Variants in BMPR1A observed in about 807,000 individuals in gnomAD.
BMPR1A encodes the protein bone morphogenetic protein receptor type 1A.
Under a neutral mutation model 66.0 loss-of-function variants are expected in BMPR1A, and 7 were observed. The ratio of observed to expected loss-of-function variants is 0.11; its 90% CI spans 0.06 to 0.20. The LOEUF (loss-of-function observed/expected upper bound fraction) is 0.20. Ranked by LOEUF, BMPR1A falls within the 10% of genes least tolerant of loss-of-function variation. The pLI is 1.00. For synonymous variants in BMPR1A, 200 were observed against 229.7 expected (o/e 0.87, Z 1.17); for missense variants, 408 against 669.1 (o/e 0.61, Z 4.31).
chr10:86,816,116 A>C (rs1161576531), intron 1 of BMPR1A, among the ~76,000 whole-genome samples: 1 of 152,212 alleles, frequency 6.6e-6, no homozygotes, highest in Admixed American at 6.5e-5. Context: ...CCACAGCATC[A>C]CTTAGACCTG....
At chr10:86,771,133 G>T (rs1194252457) in intron 1 of BMPR1A, among the ~76,000 whole-genome samples, 1 of 152,018 alleles carries the variant, frequency 6.6e-6, no homozygotes, top group Non-Finnish European at 1.5e-5. Flanking sequence ...TATATTATAT[G>T]ATAACCCTTT....
intron 7 of BMPR1A, among the ~76,000 whole-genome samples, chr10:86,905,396 C>T (rs925840460): frequency 1.1e-4 from 16 of 152,198 alleles, no homozygotes; most frequent in African/African-American, 3.9e-4. Flanking sequence ...CATTTTTTTA[C>T]ATTGGCAAGT....
intron 2 of BMPR1A, among the ~76,000 whole-genome samples, chr10:86,858,914 G>GA (rs993935510): frequency 2.0e-5 from 3 of 151,762 alleles, no homozygotes; most frequent in Admixed American, 1.3e-4. Context: ...CATAGAAATA[G>GA]AAAAAAAATC....
At chr10:86,851,449 T>C (rs1001670324) in intron 2 of BMPR1A, among the ~76,000 whole-genome samples, 1 of 152,230 alleles carries the variant, frequency 6.6e-6, no homozygotes, top group African/African-American at 2.4e-5. Context: ...AGAGGAGGAA[T>C]CATGTCTCTT....
At chr10:86,761,789 C>T (rs986453074) in intron 1 of BMPR1A, among the ~76,000 whole-genome samples, 14 of 152,092 alleles carry the variant, frequency 9.2e-5, no homozygotes, top group African/African-American at 3.4e-4. Flanking sequence ...AAGAACAACT[C>T]CTGGATTTCT....
intron 8 of BMPR1A, among the ~76,000 whole-genome samples, chr10:86,913,859 C>T (rs12357864): frequency 1.3e-5 from 2 of 151,970 alleles, no homozygotes; most frequent in Admixed American, 6.6e-5. Flanking sequence ...TAATTTCATT[C>T]GAATCCAAAT....
At chr10:86,909,421 AACTCT>A in intron 7 of BMPR1A, among the ~76,000 whole-genome samples, 1 of 151,952 alleles carries the variant, frequency 6.6e-6, no homozygotes, top group Admixed American at 6.5e-5. Context: ...GCGGAACCTT[AACTCT>A]ACTAAAAATA....
chr10:86,916,042 A>G (rs1843563127), intron 8 of BMPR1A, among the ~76,000 whole-genome samples: 1 of 152,320 alleles, frequency 6.6e-6, no homozygotes, highest in African/African-American at 2.4e-5. Context: ...GCAGCAACTG[A>G]GAGGTTTTGT....
At chr10:86,854,219 G>A (rs181400159) in intron 2 of BMPR1A, among the ~76,000 whole-genome samples, 44 of 152,298 alleles carry the variant, frequency 2.9e-4, no homozygotes, top group African/African-American at 8.9e-4. Context: ...AGAGTTTAAG[G>A]TTCTCTCTCT....
chr10:86,855,885 A>G, intron 2 of BMPR1A: 2 of 692,958 alleles, frequency 2.9e-6, no homozygotes, highest in South Asian at 1.8e-5. Context: ...TTGCTAGAAG[A>G]TTCATATTGC....
At chr10:86,828,617 T>C (rs1296628417) in intron 1 of BMPR1A, among the ~76,000 whole-genome samples, 1 of 152,216 alleles carries the variant, frequency 6.6e-6, no homozygotes, top group Non-Finnish European at 1.5e-5. Flanking sequence ...TTAGCAGATC[T>C]GGTGAACCCT....
intron 1 of BMPR1A, among the ~76,000 whole-genome samples, chr10:86,773,447 G>A (rs1208296436): frequency 6.6e-6 from 1 of 151,876 alleles, no homozygotes; most frequent in Non-Finnish European, 1.5e-5. Context: ...ACAAAAATTA[G>A]CTGGGCATGG....
At chr10:86,780,318 C>T (rs1296681801) in intron 1 of BMPR1A, among the ~76,000 whole-genome samples, 1 of 152,082 alleles carries the variant, frequency 6.6e-6, no homozygotes, top group Non-Finnish European at 1.5e-5. Context: ...AATATAATCC[C>T]ATTTGTTTAT....
At chr10:86,893,612 C>T (rs1367191118) in intron 5 of BMPR1A, among the ~76,000 whole-genome samples, 3 of 152,100 alleles carry the variant, frequency 2.0e-5, no homozygotes, top group African/African-American at 7.2e-5. Context: ...CATGGTGAAA[C>T]TCCGTCTCTA....
chr10:86,897,350 G>A (rs1406226660), intron 5 of BMPR1A, among the ~76,000 whole-genome samples: 2 of 152,058 alleles, frequency 1.3e-5, no homozygotes, highest in Non-Finnish European at 2.9e-5. Context: ...TCATAATCTC[G>A]ACAAACCCAA....
chr10:86,824,193 A>T (rs1025121234), intron 1 of BMPR1A, among the ~76,000 whole-genome samples: 2 of 151,910 alleles, frequency 1.3e-5, no homozygotes, highest in Non-Finnish European at 2.9e-5. Context: ...TTAGTCCCAA[A>T]GGTACATGCT....
chr10:86,793,786 G>T lies in BMPR1A; in HGVS notation c.-268+36867G>T, dbSNP rs182700458. On this transcript the variant is annotated intron_variant, in intron 1 of 12. Transcript: ENST00000372037. ...AAATTTATTATCTTATGGTTCTGCA[G>T]GTCAGAAGTCCAACACAGGTCTCAC... 7.5e-4 allele frequency among the ~76,000 whole-genome samples: 114 copies of T among 152,268 alleles called. 1 individual carries two copies. The South Asian group carries it at 1.0e-2, about 13-fold the overall frequency.
intron 3 of BMPR1A, among the ~76,000 whole-genome samples, chr10:86,880,710 A>G (rs537016778): frequency 6.6e-6 from 1 of 152,342 alleles, no homozygotes; most frequent in East Asian, 1.9e-4. Flanking sequence ...TTTTTTCACT[A>G]AGGATCTAGA....
intron 1 of BMPR1A, among the ~76,000 whole-genome samples, chr10:86,761,821 G>A (rs1302649525): frequency 6.6e-6 from 1 of 152,208 alleles, no homozygotes; most frequent in African/African-American, 2.4e-5. Context: ...CAGGGTAGAT[G>A]TGGGTGACAG....
Sources: gnomAD v4.1 joint callset for allele counts (sites outside exome capture counted in the v4.1 genomes callset) on GRCh38, gnomAD v4.1.1 for gene constraint, MANE v1.5 for transcripts, NCBI Gene and HGNC (gene_info 2026-07-23, HGNC 2026-07-21) for gene names.